XPO7: variants seen among roughly 807,000 people sequenced by gnomAD.
XPO7 encodes exportin-7.
Under a neutral mutation model 144.3 loss-of-function variants are expected in XPO7, and 21 were observed. That is an observed-to-expected ratio of 0.15 (90% CI 0.10 to 0.21). The LOEUF is 0.21. XPO7 is among the 10% of genes least tolerant of loss of function. The pLI is 1.00. For synonymous variants in XPO7, 580 were observed against 499.6 expected (o/e 1.16, Z -2.15); for missense variants, 808 against 1,325.8 (o/e 0.61, Z 6.06).
At chr8:21,977,364 A>G (rs915799429) in intron 7 of XPO7, among the ~76,000 whole-genome samples, 19 of 152,120 alleles carry the variant, frequency 1.2e-4, no homozygotes, top group African/African-American at 4.6e-4. Flanking sequence ...GCAGATCACT[A>G]TGTCAGGAGT....
rs376076701 is a variant in XPO7 at position 21,977,851 on chromosome 8, A to G, written c.837+8A>G. 2 of 1,611,986 alleles carry G rather than the reference A, an allele frequency of 1.2e-6. No individual in the cohort carries two copies. Among genetic ancestry groups the G allele is most frequent in the Non-Finnish European group, 8.5e-7 (1 of 1,178,302 alleles). On this transcript the variant is annotated splice_region_variant and intron_variant, in intron 8 of 27. Transcript: ENST00000252512. ...CCTTCATTTTCACCTCTGGTGAGTCAGGACTACCGTTTCTTAAAGCAAACC... is the reference window on the plus strand; with the variant it reads ...CCTTCATTTTCACCTCTGGTGAGTCGGGACTACCGTTTCTTAAAGCAAACC...
intron 24 of XPO7, among the ~76,000 whole-genome samples, chr8:22,001,545 C>T (rs141912835): frequency 3.3e-5 from 5 of 152,256 alleles, no homozygotes; most frequent in Admixed American, 6.5e-5. Flanking sequence ...TACAGCATAC[C>T]GTGTTCTAAC....
At chr8:21,949,075 A>G (rs896437938) in intron 1 of XPO7, among the ~76,000 whole-genome samples, 6 of 152,220 alleles carry the variant, frequency 3.9e-5, no homozygotes, top group African/African-American at 1.4e-4. Context: ...TAGTTTTCTA[A>G]AGGTTTGTTA....
At position 22,002,155 on chromosome 8, in the gene XPO7, T is replaced by C. The variant is rs544950288; in HGVS notation, c.2826T>C (p.Ile942=). Residue 942 remains isoleucine (I), a synonymous_variant, in exon 25 of 28, where the codon ATT becomes ATC. Transcript: ENST00000252512. Reference sequence around the variant, plus strand: ...GCTGCTGCTCCTGCCTGGACCACATTGTGACATACCTCTTCAAGCAGCTGT... The same window carrying C: ...GCTGCTGCTCCTGCCTGGACCACATCGTGACATACCTCTTCAAGCAGCTGT... ...CTGCCSCLDH[I]VTYLFKQLSR... 5 of 1,612,608 alleles carry C rather than the reference T, an allele frequency of 3.1e-6. No individual in the cohort carries two copies. The highest frequency in any genetic ancestry group is 1.3e-5 in the African/African-American group (1 of 75,018).
chr8:21,975,058 CCTAA>C (rs1812182747), intron 6 of XPO7, among the ~76,000 whole-genome samples: 1 of 152,170 alleles, frequency 6.6e-6, no homozygotes, highest in South Asian at 2.1e-4. Context: ...ATCTAGTTTA[CCTAA>C]CTCAGAGTTT....
chr8:21,998,785 C>T lies in XPO7; in HGVS notation c.2376C>T (p.Ser792=), dbSNP rs1309255895. The T allele has an allele frequency of 6.2e-7, 1 of 1,613,946 alleles. No individual in the cohort carries two copies. The highest frequency in any genetic ancestry group is 1.1e-5 in the South Asian group (1 of 91,076). The change falls in exon 22 of 28, where the codon TCC becomes TCT. Residue 792 remains serine, a synonymous_variant. Transcript: ENST00000252512. ...AGCGACTCCAGTTTGATGTCTCTTC[C>T]CCCAATGGCATCTTACTCTTCCGAG... ...RSQRLQFDVS[S]PNGILLFRET...
chr8:21,986,484 T>G lies in XPO7; in HGVS notation c.1578-657T>G, dbSNP rs111571856. Among the ~76,000 whole-genome samples the G allele has an allele frequency of 4.4e-3, 672 of 152,238 alleles. 3 individuals carry two copies. The highest frequency in any genetic ancestry group is 0.012 in the South Asian group (58 of 4,820). On this transcript the variant is annotated intron_variant, in intron 13 of 27. Transcript: ENST00000252512. Reference sequence around the variant, plus strand: ...ATATATATCTTCTGAAAATCCTCATTTGTCTCTTTCCACCCCCATTTTGTT... The same window carrying G: ...ATATATATCTTCTGAAAATCCTCATGTGTCTCTTTCCACCCCCATTTTGTT...
At chr8:21,941,360 C>T (rs151182130) in intron 1 of XPO7, among the ~76,000 whole-genome samples, 4 of 152,150 alleles carry the variant, frequency 2.6e-5, no homozygotes, top group Non-Finnish European at 4.4e-5. Context: ...CCCTGTTACC[C>T]AGGCTGGTCT....
At chr8:21,931,186 A>G (rs907054665) in intron 1 of XPO7, among the ~76,000 whole-genome samples, 2 of 148,958 alleles carry the variant, frequency 1.3e-5, no homozygotes, top group African/African-American at 2.5e-5. Flanking sequence ...TTTTTTAGAC[A>G]GAGTCTCGCT....
At chr8:21,971,082 T>C (rs1812046820) in intron 4 of XPO7, among the ~76,000 whole-genome samples, 1 of 152,236 alleles carries the variant, frequency 6.6e-6, no homozygotes, top group African/African-American at 2.4e-5. Context: ...CTTTGCTATG[T>C]TTAGATACAC....
intron 1 of XPO7, among the ~76,000 whole-genome samples, chr8:21,949,021 C>G (rs542847256): frequency 1.3e-5 from 2 of 152,134 alleles, no homozygotes; most frequent in Non-Finnish European, 2.9e-5. Context: ...TCGCAAGTTA[C>G]GGGCCCTAAG....
rs533664709 is a variant in XPO7 at position 21,970,252 on chromosome 8, G to A, written c.368G>A (p.Cys123Tyr). The A allele has an allele frequency of 6.2e-7, 1 of 1,613,786 alleles. No individual in the cohort carries two copies. The highest frequency in any genetic ancestry group is 1.1e-5 in the South Asian group (1 of 91,080). ...ARITKLGWFDCQKDDYVFRNA... is the reference protein window; with the variant it reads ...ARITKLGWFDYQKDDYVFRNA... ...ATCACAAAACTGGGCTGGTTTGACT[G>A]TCAGAAGGATGACTATGTCTTCAGA... Residue 123 changes from cysteine (C) to tyrosine (Y), a missense_variant, in exon 4 of 28, where the codon TGT becomes TAT. Cys to Tyr is a radical substitution (Grantham distance 194). Transcript: ENST00000252512.
rs772940936 is a variant in XPO7 at position 22,003,362 on chromosome 8, C to A, written c.3042+45C>A. 4.1e-6 allele frequency: 6 copies of A among 1,480,620 alleles called. No homozygotes were observed. The Admixed American group carries it at 1.2e-4, about 28-fold the overall frequency. The allele number at this position is 1,480,620 out of a possible 1,614,324, so 91.7% of individuals were successfully genotyped here. On this transcript the variant is annotated intron_variant, in intron 26 of 27. Coordinates refer to ENST00000252512, the MANE Select transcript of XPO7 (RefSeq NM_015024.5). ...GGTGCCAACCCAGAAGCAGTGGCAACCACGCACTTGGTATCACCAAGCCCT... is the reference window on the plus strand; with the variant it reads ...GGTGCCAACCCAGAAGCAGTGGCAAACACGCACTTGGTATCACCAAGCCCT...
intron 11 of XPO7, among the ~76,000 whole-genome samples, chr8:21,983,879 A>G (rs1264511606): frequency 6.6e-6 from 1 of 151,732 alleles, no homozygotes; most frequent in South Asian, 2.1e-4. Context: ...TGCTGCCATT[A>G]TCATATTGCA....
At chr8:21,934,424 T>C (rs1264607055) in intron 1 of XPO7, among the ~76,000 whole-genome samples, 1 of 152,052 alleles carries the variant, frequency 6.6e-6, no homozygotes, top group Non-Finnish European at 1.5e-5. Flanking sequence ...TCCCAGCTAC[T>C]TGGGAGGCTG....
At chr8:21,937,913 T>A (rs1043305501) in intron 1 of XPO7, among the ~76,000 whole-genome samples, 1 of 152,222 alleles carries the variant, frequency 6.6e-6, no homozygotes, top group Non-Finnish European at 1.5e-5. Flanking sequence ...AAACTCCCAC[T>A]TTCATTAAAC....
chr8:21,976,652 T>TTTTG (rs1218039562), intron 7 of XPO7, 131 bp downstream of exon 7: 5 of 1,145,490 alleles, frequency 4.4e-6, no homozygotes, highest in South Asian at 1.8e-5. Flanking sequence ...TAACGTCTTT[T>TTTTG]TTTGTTTGTT....
intron 1 of XPO7, among the ~76,000 whole-genome samples, chr8:21,928,240 T>C (rs1272865373): frequency 6.6e-6 from 1 of 152,258 alleles, no homozygotes; most frequent in Non-Finnish European, 1.5e-5. Context: ...CTGAGATTGA[T>C]TCTCATTGTT....
intron 1 of XPO7, among the ~76,000 whole-genome samples, chr8:21,948,143 T>A (rs1352791178): frequency 6.6e-6 from 1 of 152,178 alleles, no homozygotes. Context: ...ACCCAACCCT[T>A]AATTAGAAGC....
Sources: gnomAD v4.1 joint callset for allele counts (sites outside exome capture counted in the v4.1 genomes callset) on GRCh38, gnomAD v4.1.1 for gene constraint, MANE v1.5 for transcripts, NCBI Gene and HGNC (gene_info 2026-07-23, HGNC 2026-07-21) for gene names.